Variants in CDH18 observed in about 807,000 individuals in gnomAD.
The protein encoded by CDH18 is cadherin-18.
A neutral mutation model predicts 67.9 loss-of-function variants in CDH18; 31 were observed. The ratio of observed to expected loss-of-function variants is 0.46; its 90% CI spans 0.34 to 0.62. CDH18 has a LOEUF of 0.62. Ranked by LOEUF, CDH18 falls within the 20% of genes least tolerant of loss-of-function variation. The probability of loss-of-function intolerance (pLI) is 0.01; values close to 1 mark genes in which losing one functional copy is unlikely to be tolerated. For synonymous variants in CDH18, 362 were observed against 347.2 expected, an observed-to-expected ratio of 1.04 and a Z score of -0.48; for missense variants, 890 against 975.5, an observed-to-expected ratio of 0.91 and a Z score of 1.17.
intron 2 of CDH18, among the ~76,000 whole-genome samples, chr5:20,123,818 C>T (rs1004233697): frequency 7.1e-6 from 1 of 140,150 alleles, no homozygotes; most frequent in Non-Finnish European, 1.5e-5. Flanking sequence ...AACCCGGAGG[C>T]GGAGCTTGCA....
chr5:19,649,143 A>T (rs1235125868), intron 5 of CDH18, among the ~76,000 whole-genome samples: 1 of 151,996 alleles, frequency 6.6e-6, no homozygotes, highest in Non-Finnish European at 1.5e-5. Context: ...ATTAATATTA[A>T]ACCAGCTTCT....
At chr5:20,379,991 C>T (rs936438748) in intron 1 of CDH18, among the ~76,000 whole-genome samples, 8 of 151,734 alleles carry the variant, frequency 5.3e-5, no homozygotes, top group South Asian at 2.1e-4. Context: ...TTCCATAAAG[C>T]ATCATAAGTG....
At chr5:20,410,390 AT>A (rs1468886543) in intron 1 of CDH18, among the ~76,000 whole-genome samples, 1 of 151,890 alleles carries the variant, frequency 6.6e-6, no homozygotes, top group African/African-American at 2.4e-5. Flanking sequence ...AAATCTCATG[AT>A]TACCTCATAG....
At chr5:19,948,076 G>C (rs1444609249) in intron 2 of CDH18, among the ~76,000 whole-genome samples, 1 of 152,146 alleles carries the variant, frequency 6.6e-6, no homozygotes, top group African/African-American at 2.4e-5. Flanking sequence ...AGTCCATAAT[G>C]CAGTATCACA....
chr5:19,991,149 A>G (rs1351166187), upstream of CDH18, among the ~76,000 whole-genome samples: 3 of 152,200 alleles, frequency 2.0e-5, no homozygotes, highest in Non-Finnish European at 4.4e-5. Flanking sequence ...TTGTCTCTTT[A>G]GATGGCATCT....
intron 1 of CDH18, among the ~76,000 whole-genome samples, chr5:20,481,183 G>T (rs1240266744): frequency 6.7e-6 from 1 of 148,986 alleles, no homozygotes; most frequent in African/African-American, 2.5e-5. Flanking sequence ...TGGAGGAGTA[G>T]CTAATTCAGA....
At chr5:20,224,147 G>A (rs563248840) in intron 2 of CDH18, among the ~76,000 whole-genome samples, 1 of 152,084 alleles carries the variant, frequency 6.6e-6, no homozygotes, top group Non-Finnish European at 1.5e-5. Flanking sequence ...ATGACTTTCA[G>A]ATTCTCTGAA....
At chr5:19,638,979 T>TA in intron 5 of CDH18, among the ~76,000 whole-genome samples, 1 of 51,750 alleles carries the variant, frequency 1.9e-5, no homozygotes. Flanking sequence ...TTGTTGCTGT[T>TA]TTTTTTTTTT....
chr5:20,161,332 G>A (rs1735874973), intron 2 of CDH18, among the ~76,000 whole-genome samples: 1 of 152,080 alleles, frequency 6.6e-6, no homozygotes, highest in Non-Finnish European at 1.5e-5. Flanking sequence ...CTTGTTTAAG[G>A]TCTTTTGTAC....
chr5:19,565,309 T>C (rs1184931072), intron 8 of CDH18, among the ~76,000 whole-genome samples: 4 of 152,194 alleles, frequency 2.6e-5, no homozygotes, highest in African/African-American at 4.8e-5. Context: ...GTGATGCTTA[T>C]GTCACTCCTC....
intron 2 of CDH18, among the ~76,000 whole-genome samples, chr5:19,883,243 C>T (rs536536790): frequency 2.8e-4 from 43 of 152,226 alleles, no homozygotes; most frequent in East Asian, 9.7e-4. Flanking sequence ...GAAGCTAATG[C>T]TTAGCATCAC....
At chr5:19,714,229 C>T (rs1263673577) in intron 5 of CDH18, among the ~76,000 whole-genome samples, 1 of 152,082 alleles carries the variant, frequency 6.6e-6, no homozygotes. Context: ...ACCTCAGTGG[C>T]CTCACTGGCC....
intron 5 of CDH18, among the ~76,000 whole-genome samples, chr5:19,698,796 G>A (rs976535083): frequency 6.6e-6 from 1 of 152,110 alleles, no homozygotes; most frequent in Non-Finnish European, 1.5e-5. Flanking sequence ...GTCTTGGAGA[G>A]ATTGGGATAG....
rs1156787379 is a variant in CDH18 at position 20,087,509 on chromosome 5, CATT to C, written c.-517-95498_-517-95496del. Among the ~76,000 whole-genome samples the C allele has an allele frequency of 4.0e-5, 6 of 150,920 alleles. No homozygotes were observed. In the East Asian group the frequency reaches 1.2e-3, roughly 29 times the overall value. On this transcript the variant is annotated intron_variant, in intron 2 of 14. Coordinates refer to the CDH18 transcript ENST00000507958. ...AAAAAAAAACAAAGTCAGCAAATGT[CATT>C]GTTGTCTATTTTAAAATTGTCACAG...
chr5:20,031,435 A>G (rs1303495590), intron 2 of CDH18, among the ~76,000 whole-genome samples: 1 of 152,054 alleles, frequency 6.6e-6, no homozygotes, highest in African/African-American at 2.4e-5. Flanking sequence ...AACAAAGGCT[A>G]AGAATTCTCC....
rs193173887 is a variant in CDH18 at position 20,511,259 on chromosome 5, T to A, written c.-580+64203A>T. On this transcript the variant is annotated intron_variant, in intron 1 of 14. Coordinates refer to the CDH18 transcript ENST00000507958. ...AGTGTCAGCACTCATTAGATAGATA[T>A]TTCAAAAGTATAGAAAGTACTAAGT... Among the ~76,000 whole-genome samples, 109 of 152,270 alleles carry A rather than the reference T, an allele frequency of 7.2e-4. 3 individuals carry two copies. The East Asian group carries it at 0.021, about 29-fold the overall frequency.
At chr5:19,620,762 CTCTG>C (rs566216109) in intron 5 of CDH18, among the ~76,000 whole-genome samples, 129 of 152,022 alleles carry the variant, frequency 8.5e-4, no homozygotes, top group Non-Finnish European at 1.7e-3. Flanking sequence ...TTTTCAAAAG[CTCTG>C]TCTTTCTTGC....
chr5:20,194,381 T>C (rs1738793717), intron 2 of CDH18, among the ~76,000 whole-genome samples: 1 of 152,106 alleles, frequency 6.6e-6, no homozygotes, highest in Admixed American at 6.6e-5. Flanking sequence ...AACCTCATGG[T>C]AACTTAGCCA....
At chr5:19,657,761 A>T (rs1036666241) in intron 5 of CDH18, among the ~76,000 whole-genome samples, 1 of 152,166 alleles carries the variant, frequency 6.6e-6, no homozygotes, top group Non-Finnish European at 1.5e-5. Flanking sequence ...ACAACCTGAA[A>T]ATCCATAACT....
Sources: allele counts gnomAD v4.1 joint callset (sites outside exome capture counted in the v4.1 genomes callset), GRCh38; gene constraint gnomAD v4.1.1; transcripts MANE v1.5; gene names NCBI Gene and HGNC (gene_info 2026-07-23, HGNC 2026-07-21).